BMI1: variants seen among roughly 807,000 people sequenced by gnomAD.
The protein encoded by BMI1 is polycomb complex protein BMI-1.
In BMI1, 9 loss-of-function variants were observed where a neutral mutation model predicts 39.1. That is an observed-to-expected ratio of 0.23 (90% confidence interval 0.14 to 0.40). BMI1 has a LOEUF of 0.40. BMI1 is among the 10% of genes least tolerant of loss of function. The pLI is 1.00. For missense variants in BMI1, 252 were observed against 390.8 expected (o/e 0.64, Z 2.99); for synonymous variants, 131 against 127.9 (o/e 1.02, Z -0.16).
intron 1 of BMI1, among the ~76,000 whole-genome samples, 181 bp from the exon 2 acceptor site, chr10:22,326,250 G>A (rs904012459): frequency 1.3e-5 from 2 of 151,738 alleles, no homozygotes; most frequent in African/African-American, 2.4e-5. Context: ...GGATCCTTTT[G>A]CATCAGTTTG....
At position 22,330,548 on chromosome 10, in the gene BMI1, T is replaced by C. The variant is rs966741994; in HGVS notation, c.*1006T>C. 2.0e-5 allele frequency: 3 copies of C among 152,208 alleles called. No individual in the cohort carries two copies. The highest frequency in any genetic ancestry group is 2.9e-5 in the Non-Finnish European group (2 of 68,008). 9.4% of individuals were successfully genotyped at this position (152,208 alleles called of 1,614,324 possible). A position where few individuals can be genotyped will look rare whatever the true frequency, so the allele number is the denominator to read the frequency against. ...AAGAAAAACCTTTAACTGAGAAATA[T>C]GGAAACCGTCTTAATTTTCCATTGG... On this transcript the variant is annotated 3_prime_UTR_variant, in exon 10 of 10. Coordinates refer to ENST00000376663, the MANE Select transcript of BMI1 (RefSeq NM_005180.9).
rs1032608497 is a variant in BMI1 at position 22,321,500 on chromosome 10, A to C, written c.-216A>C. ...GAGGCCGAGGCGCCGGAGCAGGAGG[A>C]GGCCGGCCGGAGGCGGCATGAGACG... On this transcript the variant is annotated 5_prime_UTR_variant, in exon 1 of 10. Coordinates refer to ENST00000376663, the MANE Select transcript of BMI1 (RefSeq NM_005180.9). 3 of 156,416 alleles carry C rather than the reference A, an allele frequency of 1.9e-5. No homozygotes were observed. The highest frequency in any genetic ancestry group is 1.3e-4 in the Admixed American group (2 of 15,288). 9.7% of individuals were successfully genotyped at this position (156,416 alleles called of 1,614,324 possible). A position where few individuals can be genotyped will look rare whatever the true frequency, so the allele number is the denominator to read the frequency against.
At chr10:22,328,401 T>C (rs1654306398) in intron 7 of BMI1, among the ~76,000 whole-genome samples, 199 bp from the exon 8 acceptor site, 1 of 152,128 alleles carries the variant, frequency 6.6e-6, no homozygotes, top group Admixed American at 6.5e-5. Flanking sequence ...GTTAATACTT[T>C]GGTATGCTTG....
At chr10:22,321,776 G>A (rs1836004681) in intron 1 of BMI1, 80 bp downstream of exon 1, 1 of 145,686 alleles carries the variant, frequency 6.9e-6, no homozygotes. Context: ...GCCGCGGGTG[G>A]AAGGGGAGCC....
In BMI1 at chr10:22,321,142, C is replaced by G. The variant is rs1279168961; in HGVS notation, c.-574C>G. On this transcript the variant is annotated 5_prime_UTR_variant, in exon 1 of 10. Coordinates refer to ENST00000376663, the MANE Select transcript of BMI1 (RefSeq NM_005180.9). ...AGCGGTGCATTTTTTTCCACCCTCC[C>G]CTCCCCCTCCTCCCCTCCCCCCGCT... 1 of 150,250 alleles carries G rather than the reference C, an allele frequency of 6.7e-6. No homozygotes were observed. The highest frequency in any genetic ancestry group is 1.5e-5 in the Non-Finnish European group (1 of 67,158). 9.3% of individuals were successfully genotyped at this position (150,250 alleles called of 1,614,324 possible).
At chr10:22,322,615 G>C (rs1368593488) in intron 1 of BMI1, among the ~76,000 whole-genome samples, 1 of 152,106 alleles carries the variant, frequency 6.6e-6, no homozygotes, top group Non-Finnish European at 1.5e-5. Flanking sequence ...CTTTGCTGGA[G>C]GCTTGCTTTC....
In BMI1 at chr10:22,330,510, G is replaced by A. The variant is rs1170546; in HGVS notation, c.*968G>A. The A allele has an allele frequency of 0.99, 150,842 of 152,364 alleles. 74,747 individuals carry two copies. Among genetic ancestry groups the A allele is most frequent in the Middle Eastern group, 1 (294 of 294 alleles). 9.4% of individuals were successfully genotyped at this position (152,364 alleles called of 1,614,324 possible). ...TCCAGTAATACATGTTTACTTTAAAGATTGTTGCAGTGAAGAAAAACCTTT... is the reference window on the plus strand; with the variant it reads ...TCCAGTAATACATGTTTACTTTAAAAATTGTTGCAGTGAAGAAAAACCTTT... On this transcript the variant is annotated 3_prime_UTR_variant, in exon 10 of 10. Transcript: ENST00000376663.
chr10:22,328,188 C>A lies in BMI1; in HGVS notation c.471+9C>A. ...AGAAATCTAAGGAGGAGGTATGTTT[C>A]ATGTTACAAAAACATATAGAAGAAA... is the stretch of plus-strand genomic sequence containing the variant. On this transcript the variant is annotated intron_variant, in intron 7 of 9. Transcript: ENST00000376663. 1 of 1,596,018 alleles carries A rather than the reference C, an allele frequency of 6.3e-7. No homozygotes were observed. Among genetic ancestry groups the A allele is most frequent in the South Asian group, 1.2e-5 (1 of 86,808 alleles).
chr10:22,325,075 C>T (rs183952307), intron 1 of BMI1, among the ~76,000 whole-genome samples: 6 of 152,296 alleles, frequency 3.9e-5, no homozygotes, highest in Admixed American at 3.3e-4. Context: ...CTTTTTCTTG[C>T]CCCCAGCATA....
chr10:22,329,351 G>A lies in BMI1; in HGVS notation c.790G>A (p.Gly264Ser). 4 of 1,614,162 alleles carry A rather than the reference G, an allele frequency of 2.5e-6. No homozygotes were observed. The highest frequency in any genetic ancestry group is 1.3e-5 in the African/African-American group (1 of 75,042). Residue 264 changes from glycine (G) to serine (S), a missense_variant, in exon 10 of 10, where the codon GGT (glycine) becomes AGT (serine). Transcript: ENST00000376663. ...GSDKANSPAG[G>S]IPSTSSCLPS... is the part of the protein sequence containing the mutation. ...TGACAAGGCCAACAGCCCAGCAGGAGGTATTCCCTCCACCTCTTCTTGTTT... is the reference window on the plus strand; with the variant it reads ...TGACAAGGCCAACAGCCCAGCAGGAAGTATTCCCTCCACCTCTTCTTGTTT...
At chr10:22,326,275 G>T (rs926187925) in intron 1 of BMI1, among the ~76,000 whole-genome samples, 156 bp from the exon 2 acceptor site, 2 of 152,040 alleles carry the variant, frequency 1.3e-5, no homozygotes, top group African/African-American at 4.8e-5. Context: ...AACTGATTCC[G>T]ATCTGATGAG....
rs375478127 is a variant in BMI1, at chr10:22,327,663, C to G, written c.265+13C>G. The G allele has an allele frequency of 3.1e-6, 5 of 1,612,864 alleles. No homozygotes were observed. In the African/African-American group the frequency reaches 6.7e-5, roughly 22 times the overall value. On this transcript the variant is annotated intron_variant, in intron 4 of 9. Transcript: ENST00000376663. ...GGGCTTTTCAAAAGTGAGTAACTTGCTTAGAAAATGAATTTAAAGAGATTA... is the reference window on the plus strand; with the variant it reads ...GGGCTTTTCAAAAGTGAGTAACTTGGTTAGAAAATGAATTTAAAGAGATTA...
At chr10:22,327,134 T>C in intron 3 of BMI1, 148 bp downstream of exon 3, 1 of 927,934 alleles carries the variant, frequency 1.1e-6, no homozygotes, top group South Asian at 1.8e-5. Flanking sequence ...CCGTTTAATT[T>C]CTTGCCATAT....
chr10:22,326,244 C>T (rs960537992), intron 1 of BMI1, among the ~76,000 whole-genome samples, 187 bp from the exon 2 acceptor site: 7 of 151,888 alleles, frequency 4.6e-5, no homozygotes, highest in Non-Finnish European at 7.4e-5. Flanking sequence ...TTAGTTGGAT[C>T]CTTTTGCATC....
At chr10:22,326,721 A>G in intron 2 of BMI1, 160 bp downstream of exon 2, 2 of 1,309,146 alleles carry the variant, frequency 1.5e-6, no homozygotes. Flanking sequence ...GTTAATATGT[A>G]TTGATTGTAT....
At chr10:22,326,313 C>G (rs750191891) in intron 1 of BMI1, 118 bp from the exon 2 acceptor site, 1 of 1,390,856 alleles carries the variant, frequency 7.2e-7, no homozygotes, top group South Asian at 1.4e-5. Flanking sequence ...AACGTTAGGA[C>G]AGCCCAGCTG....
In BMI1 at chr10:22,328,612, A is replaced by C. The variant is rs2132007596; in HGVS notation, c.484A>C (p.Arg162=). 2 of 1,600,182 alleles carry C rather than the reference A, an allele frequency of 1.2e-6. No individual in the cohort carries two copies. Among genetic ancestry groups the C allele is most frequent in the East Asian group, 4.5e-5 (2 of 44,406 alleles). The change falls in exon 8 of 10, where the codon AGA becomes CGA. Residue 162 remains arginine (R), a synonymous_variant. Coordinates refer to ENST00000376663, the MANE Select transcript of BMI1 (RefSeq NM_005180.9). ...EKSKEEVNDK[R]YLRCPAAMTV... ...AATGTACTTTTAGGTGAATGATAAA[A>C]GATACTTACGATGCCCAGCAGCAAT...
Position 22,327,731 on chromosome 10 carries a change from TC to T in BMI1, c.266-7del. 1.2e-6 allele frequency: 2 copies of T among 1,613,372 alleles called. No individual in the cohort carries two copies. Among genetic ancestry groups the T allele is most frequent in the Non-Finnish European group, 1.7e-6 (2 of 1,179,606 alleles). The stretch of plus-strand genomic sequence containing the variant: ...TTATGCCAAATGTTTACATCTTTTT[TC>T]CCCATTCAGATGAAATGAAGAGAAG... On this transcript the variant is annotated splice_polypyrimidine_tract_variant and intron_variant, in intron 4 of 9. Coordinates refer to ENST00000376663, the MANE Select transcript of BMI1 (RefSeq NM_005180.9).
At position 22,329,647 on chromosome 10, in the gene BMI1, T is replaced by A; in HGVS notation, c.*105T>A. 7.4e-7 allele frequency: 1 copy of A among 1,350,820 alleles called. No homozygotes were observed. Among genetic ancestry groups the A allele is most frequent in the Non-Finnish European group, 9.9e-7 (1 of 1,008,364 alleles). The allele number at this position is 1,350,820 out of a possible 1,614,324, so 83.7% of individuals were successfully genotyped here. ...CTAATACATGTGACTATCGTCCAAT[T>A]TGCTTTCTTTTGTAGTGACATTAAA... On this transcript the variant is annotated 3_prime_UTR_variant, in exon 10 of 10. Transcript: ENST00000376663.
Sources: allele counts gnomAD v4.1 joint callset (sites outside exome capture counted in the v4.1 genomes callset), GRCh38; gene constraint gnomAD v4.1.1; transcripts MANE v1.5; gene names NCBI Gene and HGNC (gene_info 2026-07-23, HGNC 2026-07-21).